Variants in DMD observed in about 807,000 individuals in gnomAD.
The protein encoded by DMD is dystrophin, also known as mutant dystrophin.
DMD carries 63 observed loss-of-function variants against 330.1 expected under a neutral mutation model. The observed-to-expected ratio is 0.19, with a 90% CI of 0.16 to 0.24. The LOEUF (loss-of-function observed/expected upper bound fraction) is 0.24. DMD is among the 10% of genes least tolerant of loss of function. DMD has a pLI of 1.00. For missense variants in DMD, 3,344 were observed against 2,684.1 expected (o/e 1.25, Z -5.43); for synonymous variants, 1,223 against 959.8 (o/e 1.27, Z -5.07).
At chrX:31,899,863 A>G (rs755433551) in intron 47 of DMD, among the ~76,000 whole-genome samples, 9 of 111,483 alleles carry the variant, frequency 8.1e-5, no homozygotes, top group Non-Finnish European at 1.7e-4. Flanking sequence ...ATAGATGCTT[A>G]GATCCCAGTG....
intron 50 of DMD, 123 bp from the exon 51 acceptor site, chrX:31,774,315 C>T: frequency 2.0e-6 from 1 of 497,938 alleles, no homozygotes; most frequent in Non-Finnish European, 3.4e-6. Context: ...CAATTTGAGC[C>T]AAACTCTTAT....
chrX:31,715,220 T>G (rs12399809), intron 52 of DMD, among the ~76,000 whole-genome samples: 25,121 of 77,442 alleles, frequency 0.32, 4,067 homozygotes, highest in African/African-American at 0.59. Flanking sequence ...TGGGGGTTGG[T>G]GGGGGGGGAG....
chrX:32,062,726 T>C (rs1405914774), intron 44 of DMD, among the ~76,000 whole-genome samples: 1 of 111,359 alleles, frequency 9.0e-6, no homozygotes, highest in East Asian at 2.8e-4. Context: ...TTCATACTAG[T>C]CTTTTTGGAT....
At position 33,155,721 on chromosome X, in the gene DMD, G is replaced by A. The variant is rs772244396; in HGVS notation, c.31+55561C>T. On this transcript the variant is annotated intron_variant, in intron 1 of 78. Transcript: ENST00000357033. The stretch of plus-strand genomic sequence containing the variant: ...TATCTGTACTCCTAGCATTTTGGAA[G>A]GCCAAGGTGGGAAGATCACTTGAGG... Among the ~76,000 whole-genome samples, 11 of 110,226 alleles carry A rather than the reference G, an allele frequency of 1.0e-4. No individual in the cohort carries two copies. The East Asian group carries it at 3.2e-3, about 32-fold the overall frequency.
intron 55 of DMD, among the ~76,000 whole-genome samples, chrX:31,605,235 C>G (rs1262338348): frequency 2.7e-5 from 3 of 111,729 alleles, no homozygotes; most frequent in South Asian, 3.7e-4. Context: ...CAGTAAATGA[C>G]AGTTGCCATA....
intron 2 of DMD, among the ~76,000 whole-genome samples, chrX:32,942,040 A>T (rs1602095378): frequency 1.8e-5 from 2 of 111,941 alleles, no homozygotes; most frequent in African/African-American, 3.3e-5. Flanking sequence ...TTAAGACATT[A>T]TTAAAGTGTG....
chrX:32,089,755 A>G (rs1265350947), intron 44 of DMD, among the ~76,000 whole-genome samples: 4 of 112,128 alleles, frequency 3.6e-5, no homozygotes, highest in Non-Finnish European at 7.5e-5. Flanking sequence ...AACATACACA[A>G]CGTGCATATG....
At chrX:32,005,536 A>T (rs2150377972) in intron 44 of DMD, among the ~76,000 whole-genome samples, 1 of 111,034 alleles carries the variant, frequency 9.0e-6, no homozygotes, top group South Asian at 3.8e-4. Context: ...CTGAAATGTG[A>T]AGAAATGTTG....
At chrX:31,902,955 G>A (rs16989939) in intron 47 of DMD, among the ~76,000 whole-genome samples, 11,658 of 110,822 alleles carry the variant, frequency 0.11, 472 homozygotes, top group African/African-American at 0.13. Context: ...GCTAATACAT[G>A]TTGTAGGGTT....
intron 59 of DMD, among the ~76,000 whole-genome samples, chrX:31,472,728 C>T (rs1444502688): frequency 1.8e-5 from 2 of 112,079 alleles, no homozygotes; most frequent in Non-Finnish European, 3.8e-5. Flanking sequence ...ATCGTCACTT[C>T]ATCATAATTT....
At chrX:31,891,232 G>A (rs895883093) in intron 47 of DMD, among the ~76,000 whole-genome samples, 1 of 111,605 alleles carries the variant, frequency 9.0e-6, no homozygotes, top group East Asian at 2.8e-4. Context: ...GACGGTATGA[G>A]GAAAGTGAAT....
intron 61 of DMD, among the ~76,000 whole-genome samples, chrX:31,347,096 G>T (rs1207394205): frequency 9.6e-6 from 1 of 104,607 alleles, no homozygotes; most frequent in African/African-American, 3.5e-5. Context: ...CAACTTGGAG[G>T]CATAGTATTT....
At chrX:32,883,823 CAA>C (rs56150142) in intron 2 of DMD, among the ~76,000 whole-genome samples, 111 of 30,297 alleles carry the variant, frequency 3.7e-3, no homozygotes, top group African/African-American at 0.014. Flanking sequence ...GACTCTGTTT[CAA>C]AAAAAAAAAA....
At position 32,135,310 on chromosome X, in the gene DMD, C is replaced by T. The variant is rs781448509; in HGVS notation, c.6438+81606G>A. ...ACATGCAAATATATGGAAATGATTC[C>T]CTTCTTAAAACAGTAACAAAAGGTG... On this transcript the variant is annotated intron_variant, in intron 44 of 78. Coordinates refer to ENST00000357033, the MANE Select transcript of DMD (RefSeq NM_004006.3). 1.4e-3 allele frequency among the ~76,000 whole-genome samples: 159 copies of T among 112,485 alleles called. 1 individual carries two copies. Among genetic ancestry groups the T allele is most frequent in the African/African-American group, 4.9e-3 (153 of 31,045 alleles).
intron 45 of DMD, among the ~76,000 whole-genome samples, chrX:31,965,018 G>A (rs2095339262): frequency 9.0e-6 from 1 of 111,208 alleles, no homozygotes. Context: ...CTCAATTTAG[G>A]AATTCCACTT....
chrX:32,918,772 T>G (rs1272180503), intron 2 of DMD, among the ~76,000 whole-genome samples: 2 of 112,510 alleles, frequency 1.8e-5, no homozygotes, highest in Non-Finnish European at 3.8e-5. Context: ...CACACAATGA[T>G]TCAATGTCCT....
chrX:32,912,188 T>A (rs2087327517), intron 2 of DMD, among the ~76,000 whole-genome samples: 1 of 110,768 alleles, frequency 9.0e-6, no homozygotes, highest in Admixed American at 9.6e-5. Context: ...AGTGGGCCTA[T>A]CTGGTTGGAG....
intron 1 of DMD, among the ~76,000 whole-genome samples, chrX:33,096,498 C>T (rs1196513595): frequency 3.8e-5 from 4 of 105,971 alleles, no homozygotes; most frequent in African/African-American, 6.9e-5. Context: ...ATTTTGGAGA[C>T]GACTTTTTTT....
chrX:31,621,428 TA>T lies in DMD; in HGVS notation c.8217+6244del, dbSNP rs201875300. 7.0e-3 allele frequency among the ~76,000 whole-genome samples: 787 copies of T among 111,743 alleles called. 5 individuals carry two copies. The highest frequency in any genetic ancestry group is 0.024 in the African/African-American group (726 of 30,709). On this transcript the variant is annotated intron_variant, in intron 55 of 78. Coordinates refer to ENST00000357033, the MANE Select transcript of DMD (RefSeq NM_004006.3). ...CCTAACCACTACCAGAATGATCTTTTAAAAACATGTCTGATTAGTCCATTTC... is the reference window on the plus strand; with the variant it reads ...CCTAACCACTACCAGAATGATCTTTTAAAACATGTCTGATTAGTCCATTTC...
Sources: gnomAD v4.1 joint callset for allele counts (sites outside exome capture counted in the v4.1 genomes callset) on GRCh38, gnomAD v4.1.1 for gene constraint, MANE v1.5 for transcripts, NCBI Gene and HGNC (gene_info 2026-07-23, HGNC 2026-07-21) for gene names.